GALNT17: variants seen among roughly 807,000 people sequenced by gnomAD.
GALNT17 encodes the protein UDP-GalNAc:polypeptide N-acetylgalactosaminyltransferase-like 3.
GALNT17 carries 29 observed loss-of-function variants against 63.7 expected under a neutral mutation model. The ratio of observed to expected loss-of-function variants is 0.46; its 90% CI spans 0.34 to 0.62. The LOEUF (loss-of-function observed/expected upper bound fraction) is 0.62, where lower values mean the gene tolerates loss of function less well. Among genes scored for constraint, GALNT17 ranks in the 20% least tolerant of loss-of-function variants. The probability of loss-of-function intolerance (pLI) is 0.01; values close to 1 mark genes in which losing one functional copy is unlikely to be tolerated. For missense variants in GALNT17, 603 were observed against 799.6 expected, an observed-to-expected ratio of 0.75 and a Z score of 2.97; for synonymous variants, 305 against 318.3, an observed-to-expected ratio of 0.96 and a Z score of 0.45.
At chr7:71,350,529 A>G (rs926856733) in intron 2 of GALNT17, among the ~76,000 whole-genome samples, 12 of 152,228 alleles carry the variant, frequency 7.9e-5, no homozygotes, top group African/African-American at 2.9e-4. Context: ...AAATAGCAAT[A>G]CGACAATAAA....
At chr7:71,247,156 T>C (rs1409280365) in intron 1 of GALNT17, among the ~76,000 whole-genome samples, 2 of 152,230 alleles carry the variant, frequency 1.3e-5, no homozygotes, top group Non-Finnish European at 2.9e-5. Flanking sequence ...TTAGATTGTG[T>C]ATTTGTGCTC....
chr7:71,345,852 G>A (rs1792081617), intron 2 of GALNT17, among the ~76,000 whole-genome samples: 1 of 151,908 alleles, frequency 6.6e-6, no homozygotes, highest in Non-Finnish European at 1.5e-5. Context: ...GTGTCTCACA[G>A]GTCGGTTTTT....
At chr7:71,339,682 T>C (rs748793614) in intron 2 of GALNT17, among the ~76,000 whole-genome samples, 105 of 150,250 alleles carry the variant, frequency 7.0e-4, no homozygotes, top group Non-Finnish European at 1.2e-3. Context: ...AGAGTGAGAC[T>C]CTGTCTCAAA....
Position 71,542,045 on chromosome 7 carries a change from T to C in GALNT17, c.963-29240T>C, listed in dbSNP as rs150260211. On this transcript the variant is annotated intron_variant, in intron 5 of 10. Transcript: ENST00000333538. ...ACCTTGTGTTAAATGCAGGCGATGA[T>C]ACAAAATGGGGAATAAAACAGGGAT... Among the ~76,000 whole-genome samples the C allele has an allele frequency of 9.3e-3, 1,409 of 152,160 alleles. 17 individuals are homozygous for C. The highest frequency in any genetic ancestry group is 0.032 in the African/African-American group (1,344 of 41,508).
At chr7:71,515,302 C>G (rs1788427630) in intron 5 of GALNT17, among the ~76,000 whole-genome samples, 1 of 152,164 alleles carries the variant, frequency 6.6e-6, no homozygotes. Flanking sequence ...AACCCTGAGT[C>G]CACTGGACTG....
At chr7:71,185,709 G>A (rs958443321) in intron 1 of GALNT17, among the ~76,000 whole-genome samples, 7 of 151,834 alleles carry the variant, frequency 4.6e-5, no homozygotes, top group African/African-American at 4.8e-5. Context: ...GGGTTTCACC[G>A]TGTTAGCCAG....
intron 5 of GALNT17, among the ~76,000 whole-genome samples, chr7:71,477,076 A>G (rs533991318): frequency 7.9e-5 from 12 of 152,170 alleles, no homozygotes; most frequent in Non-Finnish European, 1.6e-4. Flanking sequence ...TAAAGTAACT[A>G]TTCATAGTAA....
At chr7:71,226,694 G>A (rs28505169) in intron 1 of GALNT17, among the ~76,000 whole-genome samples, 7,820 of 152,106 alleles carry the variant, frequency 0.051, 638 homozygotes, top group African/African-American at 0.18. Flanking sequence ...TGGCCAGGCT[G>A]GTCTCGAACT....
At chr7:71,256,586 CA>C (rs1790294100) in intron 1 of GALNT17, among the ~76,000 whole-genome samples, 1 of 109,142 alleles carries the variant, frequency 9.2e-6, no homozygotes, top group Non-Finnish European at 2.0e-5. Context: ...AAATAAAAAC[CA>C]AAAACCAAAA....
intron 5 of GALNT17, among the ~76,000 whole-genome samples, chr7:71,545,963 T>C (rs7789943): frequency 0.078 from 11,789 of 152,092 alleles, 1,239 homozygotes; most frequent in African/African-American, 0.24. Context: ...ATGTACCTAA[T>C]GTAAATTGAA....
At chr7:71,688,300 C>A (rs1303757470) in intron 9 of GALNT17, among the ~76,000 whole-genome samples, 1 of 152,140 alleles carries the variant, frequency 6.6e-6, no homozygotes, top group East Asian at 1.9e-4. Context: ...TCAAAATATT[C>A]AAAATGTTTC....
intron 5 of GALNT17, among the ~76,000 whole-genome samples, chr7:71,544,230 C>T (rs2116814102): frequency 6.7e-6 from 1 of 149,418 alleles, no homozygotes; most frequent in Non-Finnish European, 1.5e-5. Flanking sequence ...CTCCTGGGTT[C>T]ATGCCATTCT....
At chr7:71,313,056 C>T (rs1014899313) in intron 1 of GALNT17, among the ~76,000 whole-genome samples, 3 of 152,138 alleles carry the variant, frequency 2.0e-5, no homozygotes, top group Non-Finnish European at 4.4e-5. Context: ...CTGTAGTGAG[C>T]TATGATTCTG....
chr7:71,571,372 C>T lies in GALNT17; in HGVS notation c.1050C>T (p.Tyr350=), dbSNP rs201388615. 4.1e-5 allele frequency: 66 copies of T among 1,613,874 alleles called. No homozygotes were observed. The Middle Eastern group carries it at 9.9e-4, about 24-fold the overall frequency. The stretch of plus-strand genomic sequence containing the variant: ...TTCTGGATCCTGGCATGGATGTATA[C>T]GGAGGAGAAAATATTGAACTGGGAA... ...IGLLDPGMDV[Y]GGENIELGIK... Residue 350 remains tyrosine (Y), a synonymous_variant, in exon 6 of 11, where the codon TAC becomes TAT. Transcript: ENST00000333538.
rs1372758149 is a variant in GALNT17, at chr7:71,132,753, C to A, written c.-50C>A. On this transcript the variant is annotated 5_prime_UTR_variant, in exon 1 of 11. Transcript: ENST00000333538. ...GGCCCCTGGCTGCCCCGCGCCTCGC[C>A]GGAGCCCGAGGGGGCGCAGGTCCGG... 4 of 1,495,146 alleles carry A rather than the reference C, an allele frequency of 2.7e-6. No individual in the cohort carries two copies. Among genetic ancestry groups the A allele is most frequent in the Non-Finnish European group, 3.6e-6 (4 of 1,109,270 alleles). 92.6% of individuals were successfully genotyped at this position (1,495,146 alleles called of 1,614,324 possible).
At chr7:71,480,695 A>G (rs1335964213) in intron 5 of GALNT17, among the ~76,000 whole-genome samples, 1 of 152,082 alleles carries the variant, frequency 6.6e-6, no homozygotes, top group East Asian at 1.9e-4. Flanking sequence ...TTAATAGAGA[A>G]AGGGTTTCAA....
chr7:71,372,013 C>T (rs1295549748), intron 2 of GALNT17, among the ~76,000 whole-genome samples: 5 of 152,300 alleles, frequency 3.3e-5, no homozygotes, highest in Middle Eastern at 3.4e-3. Context: ...CAGGGTCTCA[C>T]TCTGTCACCC....
chr7:71,519,323 C>T (rs373072389), intron 5 of GALNT17, among the ~76,000 whole-genome samples: 18 of 152,330 alleles, frequency 1.2e-4, no homozygotes, highest in Admixed American at 6.5e-4. Flanking sequence ...ATTTATTGAA[C>T]ACTTATTTCT....
chr7:71,549,517 A>G (rs1489249931), intron 5 of GALNT17, among the ~76,000 whole-genome samples: 1 of 152,210 alleles, frequency 6.6e-6, no homozygotes, highest in African/African-American at 2.4e-5. Context: ...TTGATGCTGC[A>G]GTGAGCTACG....
Sources: allele counts gnomAD v4.1 joint callset (sites outside exome capture counted in the v4.1 genomes callset), GRCh38; gene constraint gnomAD v4.1.1; transcripts MANE v1.5; gene names NCBI Gene and HGNC (gene_info 2026-07-23, HGNC 2026-07-21).